The following HS3ST4 variants were observed in gnomAD, a reference collection of about 807,000 sequenced individuals.
The protein encoded by HS3ST4 is heparan sulfate glucosamine 3-O-sulfotransferase 4.
HS3ST4 carries 17 observed loss-of-function variants against 29.2 expected under a neutral mutation model. The ratio of observed to expected loss-of-function variants is 0.58; its 90% confidence interval spans 0.40 to 0.87. The LOEUF is 0.87. Ranked by LOEUF, HS3ST4 falls within the 40% of genes least tolerant of loss-of-function variation. The pLI, the probability that HS3ST4 is intolerant of heterozygous loss-of-function variation, is 0.00. For missense variants in HS3ST4, 627 were observed against 634.5 expected (o/e 0.99, Z 0.13); for synonymous variants, 314 against 285.7 (o/e 1.10, Z -1.00).
intron 1 of HS3ST4, among the ~76,000 whole-genome samples, chr16:25,873,323 C>T (rs948041024): frequency 4.3e-5 from 2 of 46,844 alleles, no homozygotes; most frequent in Non-Finnish European, 9.9e-5. Flanking sequence ...TCCATCCATC[C>T]TTCCTTCCTT....
intron 1 of HS3ST4, among the ~76,000 whole-genome samples, chr16:26,105,602 T>C (rs1402051201): frequency 6.6e-6 from 1 of 152,236 alleles, no homozygotes; most frequent in African/African-American, 2.4e-5. Context: ...AGGTAAAATC[T>C]CAAGTTCTTA....
intron 1 of HS3ST4, among the ~76,000 whole-genome samples, chr16:25,948,337 T>C (rs989192671): frequency 6.6e-6 from 1 of 151,996 alleles, no homozygotes; most frequent in Non-Finnish European, 1.5e-5. Flanking sequence ...AAACTAGTTA[T>C]ATGCAATTTT....
chr16:25,870,099 TGTCC>T (rs1967734097), intron 1 of HS3ST4, among the ~76,000 whole-genome samples: 1 of 82,952 alleles, frequency 1.2e-5, no homozygotes, highest in Non-Finnish European at 3.0e-5. Context: ...TCCATCCATC[TGTCC>T]ATCTATCCAC....
At chr16:25,912,041 G>T (rs1330551112) in intron 1 of HS3ST4, among the ~76,000 whole-genome samples, 1 of 152,176 alleles carries the variant, frequency 6.6e-6, no homozygotes, top group Non-Finnish European at 1.5e-5. Context: ...TTGGCTAAGA[G>T]ACCTGCTGAT....
intron 1 of HS3ST4, among the ~76,000 whole-genome samples, chr16:25,999,713 T>G (rs1216148989): frequency 6.8e-6 from 1 of 146,062 alleles, no homozygotes; most frequent in East Asian, 2.0e-4. Context: ...AAATTCACAT[T>G]GTACTTTCTA....
At chr16:25,771,146 C>A (rs773150302) in intron 1 of HS3ST4, among the ~76,000 whole-genome samples, 5 of 152,158 alleles carry the variant, frequency 3.3e-5, no homozygotes, top group Admixed American at 6.5e-5. Flanking sequence ...CCTTGCCCCC[C>A]ACACCCCAAC....
chr16:26,066,606 A>G (rs971390748), intron 1 of HS3ST4, among the ~76,000 whole-genome samples: 27 of 152,106 alleles, frequency 1.8e-4, no homozygotes, highest in African/African-American at 6.3e-4. Context: ...GTGATTTCCA[A>G]CACACACCTG....
chr16:25,796,616 G>T (rs1297494087), intron 1 of HS3ST4, among the ~76,000 whole-genome samples: 1 of 152,212 alleles, frequency 6.6e-6, no homozygotes, highest in East Asian at 1.9e-4. Flanking sequence ...TGCAGGGCAG[G>T]TTCTTGGCTT....
intron 1 of HS3ST4, among the ~76,000 whole-genome samples, chr16:25,965,141 G>T (rs1968830923): frequency 6.6e-6 from 1 of 152,108 alleles, no homozygotes; most frequent in Non-Finnish European, 1.5e-5. Flanking sequence ...GAGCTCGGGA[G>T]GTGCGGGTGG....
intron 1 of HS3ST4, among the ~76,000 whole-genome samples, chr16:26,123,271 C>A (rs1899300783): frequency 6.6e-6 from 1 of 152,096 alleles, no homozygotes; most frequent in Admixed American, 6.5e-5. Flanking sequence ...AACTGAGGAT[C>A]AAAGACAAAA....
intron 1 of HS3ST4, among the ~76,000 whole-genome samples, chr16:25,731,129 G>A (rs561999156): frequency 2.0e-5 from 3 of 151,976 alleles, no homozygotes; most frequent in South Asian, 2.1e-4. Flanking sequence ...TTGGTGTCCC[G>A]AAATTTGATT....
chr16:26,103,463 T>C (rs867416191), intron 1 of HS3ST4, among the ~76,000 whole-genome samples: 5 of 152,158 alleles, frequency 3.3e-5, no homozygotes, highest in Non-Finnish European at 7.4e-5. Flanking sequence ...TAACAGATAC[T>C]AAATGTGTGT....
At chr16:25,854,418 C>T (rs1261254379) in intron 1 of HS3ST4, among the ~76,000 whole-genome samples, 2 of 152,114 alleles carry the variant, frequency 1.3e-5, no homozygotes, top group African/African-American at 4.8e-5. Flanking sequence ...GAGGATGACC[C>T]GAGGTCACTT....
At chr16:25,806,733 C>T (rs1366794314) in intron 1 of HS3ST4, among the ~76,000 whole-genome samples, 1 of 152,046 alleles carries the variant, frequency 6.6e-6, no homozygotes, top group African/African-American at 2.4e-5. Flanking sequence ...ACAACTATAG[C>T]TTAATGTCAA....
chr16:25,969,484 G>A (rs189059005), intron 1 of HS3ST4, among the ~76,000 whole-genome samples: 12 of 152,326 alleles, frequency 7.9e-5, no homozygotes, highest in Non-Finnish European at 1.5e-4. Context: ...TGAAGTGTGC[G>A]TATAAAAGTT....
rs186687129 is a variant in HS3ST4, at chr16:25,797,508, A to G, written c.734+104357A>G. ...ATACATGCGAGGGGCTTAGGACACC[A>G]AAGACAGCTAGCAAGGGCACATGTT... is the stretch of plus-strand genomic sequence containing the variant. On this transcript the variant is annotated intron_variant, in intron 1 of 1. Transcript: ENST00000331351. Among the ~76,000 whole-genome samples, 6 of 152,332 alleles carry G rather than the reference A, an allele frequency of 3.9e-5. No individual in the cohort carries two copies. The East Asian group carries it at 1.2e-3, about 29-fold the overall frequency.
chr16:26,044,823 A>G (rs2141761109), intron 1 of HS3ST4, among the ~76,000 whole-genome samples: 1 of 152,190 alleles, frequency 6.6e-6, no homozygotes, highest in Admixed American at 6.5e-5. Context: ...TCAATCATCC[A>G]TGTCCCATTG....
At chr16:25,704,322 T>C (rs940448426) in intron 1 of HS3ST4, among the ~76,000 whole-genome samples, 3 of 152,194 alleles carry the variant, frequency 2.0e-5, no homozygotes, top group African/African-American at 7.2e-5. Context: ...AAGGTTCCTA[T>C]AGCACACAAC....
At chr16:26,091,211 G>C (rs1345449837) in intron 1 of HS3ST4, among the ~76,000 whole-genome samples, 1 of 152,120 alleles carries the variant, frequency 6.6e-6, no homozygotes, top group African/African-American at 2.4e-5. Context: ...AATGGATGGG[G>C]AATTATGAGA....
Sources: gnomAD v4.1 joint callset for allele counts (sites outside exome capture counted in the v4.1 genomes callset) on GRCh38, gnomAD v4.1.1 for gene constraint, MANE v1.5 for transcripts, NCBI Gene and HGNC (gene_info 2026-07-23, HGNC 2026-07-21) for gene names.